The following SLC30A7 variants were observed in gnomAD, a reference collection of about 807,000 sequenced individuals.
SLC30A7 encodes solute carrier family 30 member 7.
Under a neutral mutation model 46.0 loss-of-function variants are expected in SLC30A7, and 35 were observed. The observed-to-expected ratio is 0.76, with a 90% confidence interval of 0.58 to 1.01. The LOEUF is 1.01. Ranked by LOEUF, SLC30A7 falls within the 50% of genes least tolerant of loss-of-function variation. The pLI is 0.00. For missense variants in SLC30A7, 464 were observed against 451.1 expected (o/e 1.03, Z -0.26); for synonymous variants, 147 against 157.8 (o/e 0.93, Z 0.51).
chr1:100,921,268 A>G (rs746557799), intron 7 of SLC30A7, among the ~76,000 whole-genome samples: 6 of 152,106 alleles, frequency 3.9e-5, no homozygotes, highest in Admixed American at 6.5e-5. Context: ...CCAAATGGTA[A>G]TAATTGTAAT....
chr1:100,992,754 A>G, the SLC30A7 span: 1 of 1,559,428 alleles, frequency 6.4e-7, no homozygotes, highest in Non-Finnish European at 8.8e-7. Flanking sequence ...TAGGCAGAAA[A>G]CTAGATGCCA....
intron 8 of SLC30A7, among the ~76,000 whole-genome samples, chr1:100,923,076 C>T (rs1358151744): frequency 1.1e-5 from 1 of 87,722 alleles, no homozygotes; most frequent in African/African-American, 4.4e-5. Flanking sequence ...AGTGCAGTGG[C>T]GCAATCTCGG....
chr1:100,921,880 T>C, intron 8 of SLC30A7, 39 bp downstream of exon 8: 2 of 1,544,324 alleles, frequency 1.3e-6, no homozygotes, highest in Middle Eastern at 3.7e-4. Context: ...AAAGTGAGAC[T>C]GAGAGAGAAA....
the SLC30A7 span, among the ~76,000 whole-genome samples, chr1:100,988,217 A>T: frequency 6.6e-6 from 1 of 152,064 alleles, no homozygotes; most frequent in Non-Finnish European, 1.5e-5. Flanking sequence ...GCGGCCTTTA[A>T]TTCCATCCTA....
intron 4 of SLC30A7, 134 bp from the exon 5 acceptor site, chr1:100,911,978 C>A: frequency 1.4e-6 from 1 of 711,418 alleles, no homozygotes; most frequent in Non-Finnish European, 2.3e-6. Context: ...TTTCTATCAA[C>A]TGTTTTGGGA....
In SLC30A7 at chr1:100,961,808, G is replaced by T. The variant is rs750999083; in HGVS notation, c.843-20G>T. ...TAGCAGAATGTGACTTTAATAAATT[G>T]TTGTCTTCCTTTTCCTTAGTGTTAT... On this transcript the variant is annotated intron_variant, in intron 8 of 10. Transcript: ENST00000357650. 6.8e-7 allele frequency: 1 copy of T among 1,470,964 alleles called. No homozygotes were observed. The highest frequency in any genetic ancestry group is 9.4e-7 in the Non-Finnish European group (1 of 1,060,634). 91.1% of individuals were successfully genotyped at this position (1,470,964 alleles called of 1,614,324 possible).
intron 10 of SLC30A7, among the ~76,000 whole-genome samples, chr1:100,966,564 C>T (rs1237266511): frequency 3.3e-5 from 5 of 151,880 alleles, no homozygotes; most frequent in South Asian, 4.2e-4. Context: ...CCAGCCTGGG[C>T]GACAGAGCAA....
chr1:100,967,559 A>G (rs1472679838), intron 10 of SLC30A7, among the ~76,000 whole-genome samples: 1 of 152,182 alleles, frequency 6.6e-6, no homozygotes, highest in Non-Finnish European at 1.5e-5. Context: ...TGTGGTTGAA[A>G]CTGACATTAT....
At chr1:100,982,919 A>G (rs529931017), downstream of SLC30A7, among the ~76,000 whole-genome samples, 1 of 152,242 alleles carries the variant, frequency 6.6e-6, no homozygotes, top group South Asian at 2.1e-4. Context: ...CAACACTCCT[A>G]CAGAGCAGCC....
chr1:100,951,791 A>C (rs906612507), intron 8 of SLC30A7, among the ~76,000 whole-genome samples: 1 of 152,196 alleles, frequency 6.6e-6, no homozygotes, highest in South Asian at 2.1e-4. Flanking sequence ...ATGGCTGGGC[A>C]GAAGAATGGC....
At chr1:100,938,778 C>T (rs1654141260) in intron 8 of SLC30A7, among the ~76,000 whole-genome samples, 1 of 152,196 alleles carries the variant, frequency 6.6e-6, no homozygotes, top group Non-Finnish European at 1.5e-5. Flanking sequence ...GGGAGAGCTC[C>T]AGTCTATCTG....
chr1:100,955,210 T>G (rs549042854), intron 8 of SLC30A7, among the ~76,000 whole-genome samples: 1 of 152,190 alleles, frequency 6.6e-6, no homozygotes, highest in East Asian at 1.9e-4. Flanking sequence ...GGTAGATAAT[T>G]TTATTTACTG....
At chr1:100,911,563 G>A (rs1652096175) in intron 4 of SLC30A7, among the ~76,000 whole-genome samples, 1 of 151,864 alleles carries the variant, frequency 6.6e-6, no homozygotes, top group African/African-American at 2.4e-5. Flanking sequence ...TATTTATTTA[G>A]TTTTTGAGAC....
At chr1:100,940,489 G>A (rs1654273323) in intron 8 of SLC30A7, among the ~76,000 whole-genome samples, 1 of 152,140 alleles carries the variant, frequency 6.6e-6, no homozygotes, top group East Asian at 1.9e-4. Flanking sequence ...CAATAAATTA[G>A]AGTAAGTATT....
chr1:100,985,998 G>T (rs541590556), downstream of SLC30A7, among the ~76,000 whole-genome samples: 1 of 152,288 alleles, frequency 6.6e-6, no homozygotes, highest in South Asian at 2.1e-4. Context: ...CAATTTAAAA[G>T]TAGGCAAAAG....
At chr1:100,982,354 T>C (rs536406431), downstream of SLC30A7, among the ~76,000 whole-genome samples, 24 of 152,304 alleles carry the variant, frequency 1.6e-4, no homozygotes, top group South Asian at 4.8e-3. Context: ...TAGCTCCTAG[T>C]AGTATAGCTT....
the SLC30A7 span, chr1:100,990,582 G>A: frequency 1.2e-5 from 19 of 1,613,840 alleles, no homozygotes; most frequent in East Asian, 2.2e-5. Flanking sequence ...TTTTCTGGTC[G>A]TCGGCTCCAA....
chr1:100,934,961 C>T (rs1653862462), intron 8 of SLC30A7, among the ~76,000 whole-genome samples: 1 of 151,978 alleles, frequency 6.6e-6, no homozygotes. Flanking sequence ...ACGCCACTGC[C>T]ACTGCACTCC....
At chr1:100,937,312 A>G (rs746660453) in intron 8 of SLC30A7, among the ~76,000 whole-genome samples, 15 of 152,156 alleles carry the variant, frequency 9.9e-5, no homozygotes, top group Non-Finnish European at 1.9e-4. Context: ...TTGCTGGATC[A>G]TATGGTAATT....
Sources: gnomAD v4.1 joint callset for allele counts (sites outside exome capture counted in the v4.1 genomes callset) on GRCh38, gnomAD v4.1.1 for gene constraint, MANE v1.5 for transcripts, NCBI Gene and HGNC (gene_info 2026-07-23, HGNC 2026-07-21) for gene names.